The following CNTN5 variants were observed in gnomAD, a reference collection of about 807,000 sequenced individuals.
CNTN5 encodes contactin-5.
CNTN5 carries 77 observed loss-of-function variants against 129.1 expected under a neutral mutation model. The ratio of observed to expected loss-of-function variants is 0.60; its 90% confidence interval spans 0.50 to 0.72. The LOEUF (loss-of-function observed/expected upper bound fraction) is 0.72. Among genes scored for constraint, CNTN5 ranks in the 30% least tolerant of loss-of-function variants. The probability of loss-of-function intolerance (pLI) is 0.00; values close to 1 mark genes in which losing one functional copy is unlikely to be tolerated. For synonymous variants in CNTN5, 509 were observed against 465.6 expected, an observed-to-expected ratio of 1.09 and a Z score of -1.20; for missense variants, 1,478 against 1,328.8, an observed-to-expected ratio of 1.11 and a Z score of -1.75.
At chr11:100,299,026 G>C in intron 19 of CNTN5, 136 bp from the exon 20 acceptor site, 2 of 540,356 alleles carry the variant, frequency 3.7e-6, no homozygotes, top group Non-Finnish European at 6.4e-6. Flanking sequence ...GTACTATTTT[G>C]GCTTCCAATG....
intron 1 of CNTN5, among the ~76,000 whole-genome samples, chr11:99,105,277 C>A (rs1417789009): frequency 1.3e-5 from 2 of 151,730 alleles, no homozygotes; most frequent in Non-Finnish European, 2.9e-5. Context: ...GCTATAGTAA[C>A]CAAAAGCATA....
At chr11:99,567,385 T>C (rs934089372) in intron 3 of CNTN5, among the ~76,000 whole-genome samples, 10 of 152,186 alleles carry the variant, frequency 6.6e-5, no homozygotes, top group African/African-American at 2.4e-4. Context: ...TTCTCTACTT[T>C]GACCCCATTC....
At chr11:99,399,067 C>T (rs1190561751) in intron 2 of CNTN5, among the ~76,000 whole-genome samples, 1 of 151,564 alleles carries the variant, frequency 6.6e-6, no homozygotes, top group Non-Finnish European at 1.5e-5. Flanking sequence ...CCATATCACT[C>T]TGATAGAATT....
chr11:99,196,135 A>G (rs988320406), intron 1 of CNTN5, among the ~76,000 whole-genome samples: 1 of 151,818 alleles, frequency 6.6e-6, no homozygotes, highest in African/African-American at 2.4e-5. Flanking sequence ...TTGCTTATTT[A>G]TAAACAGTGA....
chr11:99,067,345 G>A (rs578144993), intron 1 of CNTN5, among the ~76,000 whole-genome samples: 3 of 151,438 alleles, frequency 2.0e-5, no homozygotes, highest in African/African-American at 7.3e-5. Context: ...TCTTTAAAAC[G>A]CTATTGTTCT....
chr11:99,921,957 T>C (rs1949949966), intron 7 of CNTN5, among the ~76,000 whole-genome samples: 1 of 152,174 alleles, frequency 6.6e-6, no homozygotes, highest in African/African-American at 2.4e-5. Flanking sequence ...GCTTATTTGC[T>C]TAAAAGAAGA....
At chr11:99,649,695 G>C (rs1262629065) in intron 3 of CNTN5, among the ~76,000 whole-genome samples, 2 of 151,456 alleles carry the variant, frequency 1.3e-5, no homozygotes, top group Non-Finnish European at 3.0e-5. Flanking sequence ...AATTTCATTT[G>C]TTTAAGAAGG....
chr11:99,146,557 G>T (rs1350317773), intron 1 of CNTN5, among the ~76,000 whole-genome samples: 2 of 152,116 alleles, frequency 1.3e-5, no homozygotes, highest in East Asian at 3.9e-4. Context: ...CAATTCAGAA[G>T]TTAGGGTTCT....
intron 6 of CNTN5, among the ~76,000 whole-genome samples, chr11:99,894,742 CA>C (rs1565649305): frequency 6.6e-6 from 1 of 152,002 alleles, no homozygotes; most frequent in East Asian, 1.9e-4. Context: ...TGCAGAAAAA[CA>C]AGTGCTAGCT....
chr11:99,977,748 A>G (rs911387505), intron 8 of CNTN5, among the ~76,000 whole-genome samples: 1 of 152,298 alleles, frequency 6.6e-6, no homozygotes, highest in East Asian at 1.9e-4. Flanking sequence ...CCTTCAACAT[A>G]TGGGGATTAT....
chr11:99,316,935 C>T (rs578185942), intron 1 of CNTN5, among the ~76,000 whole-genome samples: 77 of 152,120 alleles, frequency 5.1e-4, no homozygotes, highest in Non-Finnish European at 9.7e-4. Flanking sequence ...ACCTTCCTGA[C>T]ATTTGTACCT....
intron 23 of CNTN5, among the ~76,000 whole-genome samples, chr11:100,349,145 GA>G (rs1449375020): frequency 5.3e-5 from 8 of 151,572 alleles, no homozygotes; most frequent in East Asian, 1.9e-4. Context: ...AAAATTAAAT[GA>G]AAAAAAAGAA....
chr11:99,514,158 G>A (rs1023549297), intron 2 of CNTN5, among the ~76,000 whole-genome samples: 1 of 152,050 alleles, frequency 6.6e-6, no homozygotes, highest in Non-Finnish European at 1.5e-5. Flanking sequence ...GATGGAAATA[G>A]TAAGAAAATT....
At chr11:100,325,289 A>G (rs2046694571) in intron 21 of CNTN5, among the ~76,000 whole-genome samples, 1 of 152,202 alleles carries the variant, frequency 6.6e-6, no homozygotes, top group African/African-American at 2.4e-5. Flanking sequence ...AAACTATGCT[A>G]TCAGTGAAAT....
intron 3 of CNTN5, among the ~76,000 whole-genome samples, chr11:99,574,573 G>A (rs1013690425): frequency 6.6e-6 from 1 of 152,124 alleles, no homozygotes; most frequent in Non-Finnish European, 1.5e-5. Flanking sequence ...AGCATCTGGT[G>A]TTTCTTGACT....
At chr11:100,030,845 A>G (rs1173869566) in intron 9 of CNTN5, among the ~76,000 whole-genome samples, 1 of 152,214 alleles carries the variant, frequency 6.6e-6, no homozygotes, top group Non-Finnish European at 1.5e-5. Flanking sequence ...GTTAAAGCTC[A>G]ATTAATCATA....
chr11:99,768,013 C>A (rs139827400), intron 3 of CNTN5, among the ~76,000 whole-genome samples: 148 of 152,138 alleles, frequency 9.7e-4, no homozygotes, highest in African/African-American at 3.5e-3. Context: ...TTTATTGGAA[C>A]AAATCTATGC....
At chr11:99,819,201 T>TGAC (rs1555121486) in intron 3 of CNTN5, among the ~76,000 whole-genome samples, 1 of 148,756 alleles carries the variant, frequency 6.7e-6, no homozygotes, top group African/African-American at 2.5e-5. Flanking sequence ...GCTTGGGCTT[T>TGAC]TGACTGTCTT....
intron 2 of CNTN5, among the ~76,000 whole-genome samples, chr11:99,527,876 A>G (rs1319268544): frequency 6.6e-6 from 1 of 152,188 alleles, no homozygotes; most frequent in Non-Finnish European, 1.5e-5. Context: ...GATCAAGCAG[A>G]TGCTGCATAG....
Sources: allele counts gnomAD v4.1 joint callset (sites outside exome capture counted in the v4.1 genomes callset), GRCh38; gene constraint gnomAD v4.1.1; transcripts MANE v1.5; gene names NCBI Gene and HGNC (gene_info 2026-07-23, HGNC 2026-07-21).